The following INSC variants were observed in gnomAD, a reference collection of about 807,000 sequenced individuals.
INSC encodes INSC spindle orientation adaptor protein, also known as protein inscuteable homolog.
INSC carries 67 observed loss-of-function variants against 58.6 expected under a neutral mutation model. The ratio of observed to expected loss-of-function variants is 1.14; its 90% CI spans 0.94 to 1.40. The LOEUF is 1.40. Among genes scored for constraint, INSC ranks in the 40% most tolerant of loss-of-function variants. The pLI is 0.00. For synonymous variants in INSC, 262 were observed against 276.1 expected, an observed-to-expected ratio of 0.95 and a Z score of 0.51; for missense variants, 714 against 692.0, an observed-to-expected ratio of 1.03 and a Z score of -0.36.
intron 2 of INSC, among the ~76,000 whole-genome samples, chr11:15,169,910 A>G (rs940814943): frequency 2.0e-5 from 3 of 152,312 alleles, no homozygotes; most frequent in Admixed American, 6.5e-5. Context: ...GTCCATTACT[A>G]TGAACTAAAC....
chr11:15,252,316 T>C, the INSC span, among the ~76,000 whole-genome samples: 3 of 152,252 alleles, frequency 2.0e-5, no homozygotes, highest in Admixed American at 2.0e-4. Flanking sequence ...TCTGTGAATA[T>C]ACTGAAAATC....
At chr11:15,230,821 G>A (rs1851898505) in intron 9 of INSC, among the ~76,000 whole-genome samples, 1 of 152,172 alleles carries the variant, frequency 6.6e-6, no homozygotes, top group African/African-American at 2.4e-5. Context: ...CAGCAGCACG[G>A]GACCTACATC....
At chr11:15,112,383 G>T, upstream of INSC, 2 of 1,145,198 alleles carry the variant, frequency 1.7e-6, no homozygotes, top group Non-Finnish European at 1.2e-6. Context: ...TCAGGGCCAT[G>T]GCCCAGAAGG....
At chr11:15,215,816 A>T (rs4757300) in intron 7 of INSC, among the ~76,000 whole-genome samples, 39,239 of 151,990 alleles carry the variant, frequency 0.26, 6,073 homozygotes, top group East Asian at 0.73. Flanking sequence ...GAGAACAGAG[A>T]TGACCTCTTC....
intron 2 of INSC, among the ~76,000 whole-genome samples, chr11:15,152,202 G>C (rs142149038): frequency 1.3e-3 from 199 of 152,300 alleles, no homozygotes; most frequent in African/African-American, 4.5e-3. Context: ...CCTGTGGAAG[G>C]GGGAGGAAGG....
chr11:15,231,317 A>G (rs563512975), intron 9 of INSC, among the ~76,000 whole-genome samples: 1 of 152,246 alleles, frequency 6.6e-6, no homozygotes, highest in Admixed American at 6.5e-5. Flanking sequence ...CAATCTTTTG[A>G]CTTCCCTGGG....
intron 2 of INSC, among the ~76,000 whole-genome samples, chr11:15,173,645 T>A (rs75511027): frequency 3.9e-5 from 6 of 152,144 alleles, no homozygotes; most frequent in Non-Finnish European, 1.5e-5. Context: ...TACATATGCA[T>A]GTATATGTAT....
intron 6 of INSC, among the ~76,000 whole-genome samples, chr11:15,193,418 T>G (rs1039382880): frequency 6.6e-6 from 1 of 152,220 alleles, no homozygotes; most frequent in African/African-American, 2.4e-5. Context: ...ACTTTAGGTA[T>G]TTCTCCTAAT....
the INSC span, among the ~76,000 whole-genome samples, chr11:15,257,821 A>T: frequency 6.6e-6 from 1 of 152,272 alleles, no homozygotes; most frequent in African/African-American, 2.4e-5. Flanking sequence ...CTTCAGAGGG[A>T]GCACAGCCCT....
At chr11:15,232,693 G>GA (rs1478389768) in intron 9 of INSC, among the ~76,000 whole-genome samples, 9 of 152,178 alleles carry the variant, frequency 5.9e-5, no homozygotes, top group Non-Finnish European at 1.0e-4. Context: ...ACATAGGAAT[G>GA]TTATCCTTGA....
At chr11:15,118,906 T>C (rs1244953258) in intron 1 of INSC, among the ~76,000 whole-genome samples, 3 of 152,224 alleles carry the variant, frequency 2.0e-5, no homozygotes, top group Non-Finnish European at 2.9e-5. Flanking sequence ...GAAACCTCTA[T>C]ACCAACTCTA....
At chr11:15,203,148 A>G (rs1850661045) in intron 7 of INSC, among the ~76,000 whole-genome samples, 1 of 152,206 alleles carries the variant, frequency 6.6e-6, no homozygotes, top group Non-Finnish European at 1.5e-5. Flanking sequence ...TAAGTGTTAG[A>G]GCCAGAATTT....
chr11:15,167,520 G>A (rs999437355), intron 2 of INSC, among the ~76,000 whole-genome samples: 6 of 151,926 alleles, frequency 3.9e-5, no homozygotes, highest in South Asian at 2.1e-4. Flanking sequence ...TAGTGCAGTG[G>A]CACCATAATA....
intron 1 of INSC, among the ~76,000 whole-genome samples, chr11:15,140,208 T>G (rs1848335802): frequency 6.6e-6 from 1 of 152,228 alleles, no homozygotes; most frequent in Non-Finnish European, 1.5e-5. Flanking sequence ...CCTCTCTCTC[T>G]GACCTCTGGG....
At chr11:15,129,121 G>T (rs919295751) in intron 1 of INSC, among the ~76,000 whole-genome samples, 20 of 152,118 alleles carry the variant, frequency 1.3e-4, no homozygotes, top group African/African-American at 4.6e-4. Context: ...AAGAACGACT[G>T]GACATTTTCT....
intron 2 of INSC, among the ~76,000 whole-genome samples, chr11:15,166,006 G>A (rs1849183879): frequency 6.6e-6 from 1 of 152,170 alleles, no homozygotes. Flanking sequence ...GCTCGACTAT[G>A]TAAGCTTCCT....
chr11:15,220,180 C>T (rs1851383057), intron 7 of INSC, among the ~76,000 whole-genome samples: 1 of 152,214 alleles, frequency 6.6e-6, no homozygotes, highest in Admixed American at 6.5e-5. Flanking sequence ...TCTGGAGGCC[C>T]ACTGGAGCTG....
intron 5 of INSC, among the ~76,000 whole-genome samples, chr11:15,183,351 C>CAAA (rs66894801): frequency 8.7e-5 from 7 of 80,744 alleles, no homozygotes; most frequent in African/African-American, 2.2e-4. Context: ...AACTCCATCT[C>CAAA]AAAAAAAAAA....
chr11:15,146,087 A>G (rs1028130063), intron 1 of INSC, among the ~76,000 whole-genome samples: 2 of 152,240 alleles, frequency 1.3e-5, no homozygotes, highest in African/African-American at 4.8e-5. Flanking sequence ...AACTAATACT[A>G]TATGAAGCAT....
Sources: gnomAD v4.1 joint callset for allele counts (sites outside exome capture counted in the v4.1 genomes callset) on GRCh38, gnomAD v4.1.1 for gene constraint, MANE v1.5 for transcripts, NCBI Gene and HGNC (gene_info 2026-07-23, HGNC 2026-07-21) for gene names.